The following MEGF10 variants were observed in gnomAD, a reference collection of about 807,000 sequenced individuals.
MEGF10 encodes multiple EGF like domains 10.
In MEGF10, 86 loss-of-function variants were observed where a neutral mutation model predicts 147.5. The ratio of observed to expected loss-of-function variants is 0.58; its 90% CI spans 0.49 to 0.70. The LOEUF is 0.70. Among genes scored for constraint, MEGF10 ranks in the 30% least tolerant of loss-of-function variants. The probability of loss-of-function intolerance (pLI) is 0.00; values close to 1 mark genes in which losing one functional copy is unlikely to be tolerated. For missense variants in MEGF10, 1,329 were observed against 1,487.3 expected, an observed-to-expected ratio of 0.89 and a Z score of 1.75; for synonymous variants, 478 against 525.5, an observed-to-expected ratio of 0.91 and a Z score of 1.24.
intron 17 of MEGF10, 39 bp downstream of exon 17, chr5:127,438,606 T>C (rs1325894217): frequency 1.2e-6 from 2 of 1,608,314 alleles, no homozygotes; most frequent in Admixed American, 1.7e-5. Context: ...AAGGGGAGCC[T>C]TGTCCAAGGA....
chr5:127,318,931 T>C (rs2439927), intron 1 of MEGF10, among the ~76,000 whole-genome samples: 97,733 of 152,038 alleles, frequency 0.64, 31,975 homozygotes, highest in Middle Eastern at 0.7. Flanking sequence ...ACCTGTGACT[T>C]GAAATATACA....
chr5:127,440,303 C>T (rs900112206), intron 17 of MEGF10, among the ~76,000 whole-genome samples: 1 of 152,028 alleles, frequency 6.6e-6, no homozygotes, highest in African/African-American at 2.4e-5. Flanking sequence ...CTAGTAGCAA[C>T]AATAGAGATG....
chr5:127,325,900 TATATATATA>T (rs1561572274), intron 1 of MEGF10, among the ~76,000 whole-genome samples: 1 of 48,084 alleles, frequency 2.1e-5, no homozygotes, highest in African/African-American at 5.0e-5. Context: ...TATATATATA[TATATATATA>T]TTTTTTTTTT....
At chr5:127,240,036 T>C in the MEGF10 span, among the ~76,000 whole-genome samples, 1 of 152,254 alleles carries the variant, frequency 6.6e-6, no homozygotes, top group African/African-American at 2.4e-5. Flanking sequence ...CCTGAAACCA[T>C]TCAAAGTCTA....
intron 5 of MEGF10, among the ~76,000 whole-genome samples, chr5:127,378,486 T>C (rs568391744): frequency 3.6e-4 from 55 of 152,308 alleles, no homozygotes; most frequent in African/African-American, 1.3e-3. Flanking sequence ...TGGGTCTTGC[T>C]CTGTCACACA....
At chr5:127,320,085 A>G (rs1226358178) in intron 1 of MEGF10, among the ~76,000 whole-genome samples, 2 of 152,206 alleles carry the variant, frequency 1.3e-5, no homozygotes, top group Non-Finnish European at 1.5e-5. Context: ...CTGGAGGTTT[A>G]TAAGAAAAGC....
chr5:127,320,824 A>G (rs1217576759), intron 1 of MEGF10, among the ~76,000 whole-genome samples: 1 of 152,202 alleles, frequency 6.6e-6, no homozygotes, highest in African/African-American at 2.4e-5. Context: ...ACCTGTGGTC[A>G]CTCTGCTTCC....
chr5:127,445,352 C>A, intron 19 of MEGF10, 105 bp from the exon 20 acceptor site: 1 of 800,894 alleles, frequency 1.2e-6, no homozygotes, highest in Non-Finnish European at 2.1e-6. Flanking sequence ...GTTTTATGAA[C>A]TGAAAATATG....
the MEGF10 span, among the ~76,000 whole-genome samples, chr5:127,248,605 G>T: frequency 6.6e-6 from 1 of 151,928 alleles, no homozygotes; most frequent in Non-Finnish European, 1.5e-5. Flanking sequence ...GAGGAGATTG[G>T]ATAATGCAGA....
intron 1 of MEGF10, among the ~76,000 whole-genome samples, chr5:127,320,846 A>G (rs991628686): frequency 1.3e-5 from 2 of 152,226 alleles, no homozygotes; most frequent in African/African-American, 4.8e-5. Flanking sequence ...GGTCTGGGTT[A>G]GTGGTTCAGA....
the MEGF10 span, among the ~76,000 whole-genome samples, chr5:127,242,510 G>A: frequency 6.6e-6 from 1 of 152,080 alleles, no homozygotes; most frequent in South Asian, 2.1e-4. Context: ...GTATAAGTTC[G>A]GATCTTAAAT....
intron 10 of MEGF10, 125 bp downstream of exon 10, chr5:127,417,937 G>C: frequency 9.9e-7 from 1 of 1,012,598 alleles, no homozygotes; most frequent in East Asian, 2.8e-5. Flanking sequence ...TCATTAAAGA[G>C]AGAGAGAAAA....
chr5:127,457,012 T>C, intron 24 of MEGF10, 116 bp from the exon 25 acceptor site: 3 of 1,055,002 alleles, frequency 2.8e-6, no homozygotes, highest in Non-Finnish European at 4.0e-6. Context: ...AAAACCAGCA[T>C]TTCCTTATAT....
intron 18 of MEGF10, among the ~76,000 whole-genome samples, chr5:127,441,944 A>G (rs1765772633): frequency 6.6e-6 from 1 of 152,242 alleles, no homozygotes; most frequent in African/African-American, 2.4e-5. Flanking sequence ...ATCAGCTCAC[A>G]ACAGAGACAG....
chr5:127,335,802 T>C (rs1469044620), intron 2 of MEGF10, among the ~76,000 whole-genome samples: 1 of 151,966 alleles, frequency 6.6e-6, no homozygotes, highest in African/African-American at 2.4e-5. Context: ...AACAACATGC[T>C]GTTGGTGGTT....
At chr5:127,430,127 T>C (rs951088803) in intron 13 of MEGF10, among the ~76,000 whole-genome samples, 3 of 152,136 alleles carry the variant, frequency 2.0e-5, no homozygotes, top group Non-Finnish European at 2.9e-5. Flanking sequence ...TTCCTGATCA[T>C]GATCCCCAGG....
chr5:127,454,526 T>G lies in MEGF10; in HGVS notation c.2981-40T>G, dbSNP rs932818893. 3.8e-6 allele frequency: 6 copies of G among 1,581,252 alleles called. No individual in the cohort carries two copies. In the East Asian group the frequency reaches 1.3e-4, roughly 35 times the overall value. Reference sequence around the variant, plus strand: ...ATATTGGATGGGGTTTTTCTTCCTTTCAGTTCTCACTGGGTGTTTTTTTTC... The same window carrying G: ...ATATTGGATGGGGTTTTTCTTCCTTGCAGTTCTCACTGGGTGTTTTTTTTC... On this transcript the variant is annotated intron_variant, in intron 22 of 24. Coordinates refer to ENST00000503335, the MANE Select transcript of MEGF10 (RefSeq NM_001256545.2).
intron 5 of MEGF10, among the ~76,000 whole-genome samples, chr5:127,379,403 A>G (rs746255782): frequency 1.3e-5 from 2 of 152,044 alleles, no homozygotes; most frequent in Non-Finnish European, 2.9e-5. Context: ...AGCACAATCC[A>G]TCTAGCCATG....
At chr5:127,268,034 C>T in the MEGF10 span, among the ~76,000 whole-genome samples, 1 of 152,142 alleles carries the variant, frequency 6.6e-6, no homozygotes, top group South Asian at 2.1e-4. Flanking sequence ...TTAGATCTTT[C>T]CTGCTTTCTC....
Sources: allele counts gnomAD v4.1 joint callset (sites outside exome capture counted in the v4.1 genomes callset), GRCh38; gene constraint gnomAD v4.1.1; transcripts MANE v1.5; gene names NCBI Gene and HGNC (gene_info 2026-07-23, HGNC 2026-07-21).